The following HTR2C variants were observed in gnomAD, a reference collection of about 807,000 sequenced individuals.
HTR2C encodes 5-hydroxytryptamine (serotonin) receptor 2C, G protein-coupled.
HTR2C carries 5 observed loss-of-function variants against 21.0 expected under a neutral mutation model. That is an observed-to-expected ratio of 0.24 (90% CI 0.12 to 0.50). The LOEUF (loss-of-function observed/expected upper bound fraction) is 0.50, where lower values mean the gene tolerates loss of function less well. HTR2C is among the 20% of genes least tolerant of loss of function. HTR2C has a pLI of 0.98. For synonymous variants in HTR2C, 150 were observed against 145.3 expected (o/e 1.03, Z -0.23); for missense variants, 271 against 371.2 (o/e 0.73, Z 2.22).
intron 5 of HTR2C, among the ~76,000 whole-genome samples, chrX:114,901,680 A>G (rs1049343889): frequency 9.0e-6 from 1 of 111,624 alleles, no homozygotes; most frequent in Admixed American, 9.6e-5. Context: ...ATTTGCAACA[A>G]CTGAATTAGA....
rs141229117 is a variant in HTR2C, at chrX:114,741,170, A to G, written c.349+9563A>G. On this transcript the variant is annotated intron_variant, in intron 4 of 5. Coordinates refer to ENST00000276198, the MANE Select transcript of HTR2C (RefSeq NM_000868.4). The stretch of plus-strand genomic sequence containing the variant: ...TGCGTAGCAATGAGCGAAAACAGAA[A>G]CAGAAACTCCTTGGGGAAATAGTCA... 6.1e-3 allele frequency among the ~76,000 whole-genome samples: 678 copies of G among 110,323 alleles called. 5 individuals are homozygous for G. The highest frequency in any genetic ancestry group is 0.021 in the African/African-American group (642 of 30,362).
At chrX:114,829,077 C>CT (rs1277778064) in intron 4 of HTR2C, among the ~76,000 whole-genome samples, 4 of 111,382 alleles carry the variant, frequency 3.6e-5, no homozygotes, top group African/African-American at 1.3e-4. Flanking sequence ...AATAGAATTG[C>CT]TAGGTCATAT....
Position 114,805,617 on chromosome X carries a change from TATATATACCATATATATACC to T in HTR2C, c.350-42378_350-42359del, listed in dbSNP as rs1358807322. 7.4e-4 allele frequency among the ~76,000 whole-genome samples: 14 copies of T among 18,812 alleles called. 7 individuals are homozygous for T. The East Asian group carries it at 0.082, about 110-fold the overall frequency. The allele number at this position is 18,812 out of a possible 115,157, so 16.3% of individuals were successfully genotyped here. ...ATATATACCATATATATACACATCATATATATACCATATATATACCATATATATACACCATATATATACCA... is the reference window on the plus strand; with the variant it reads ...ATATATACCATATATATACACATCATATATATATACACCATATATATACCA... On this transcript the variant is annotated intron_variant, in intron 4 of 5. Transcript: ENST00000276198.
intron 4 of HTR2C, among the ~76,000 whole-genome samples, chrX:114,817,406 T>C (rs1363601167): frequency 9.0e-6 from 1 of 111,715 alleles, no homozygotes; most frequent in Admixed American, 9.6e-5. Flanking sequence ...TCAGCAAAAA[T>C]GGCTAAGTAC....
At chrX:114,720,645 T>G (rs1933161447) in intron 2 of HTR2C, among the ~76,000 whole-genome samples, 1 of 83,569 alleles carries the variant, frequency 1.2e-5, no homozygotes, top group African/African-American at 4.4e-5. Flanking sequence ...TAGGTATATC[T>G]CCCAATGCTA....
At chrX:114,722,631 G>C (rs1176410843) in intron 2 of HTR2C, among the ~76,000 whole-genome samples, 1 of 106,161 alleles carries the variant, frequency 9.4e-6, no homozygotes, top group Admixed American at 1.0e-4. Flanking sequence ...TGCCCATTCA[G>C]TATGATATTG....
At chrX:114,688,466 C>T (rs1163072856) in intron 2 of HTR2C, among the ~76,000 whole-genome samples, 1 of 111,596 alleles carries the variant, frequency 9.0e-6, no homozygotes, top group Non-Finnish European at 1.9e-5. Flanking sequence ...ACATAAGCAA[C>T]CATGACATAA....
At chrX:114,832,683 C>A (rs1255075832) in intron 4 of HTR2C, among the ~76,000 whole-genome samples, 3 of 34,980 alleles carry the variant, frequency 8.6e-5, no homozygotes, top group African/African-American at 1.7e-4. Flanking sequence ...TAATTGAATA[C>A]CCTTTATTTC....
intron 5 of HTR2C, among the ~76,000 whole-genome samples, chrX:114,884,851 T>G (rs915691716): frequency 1.8e-5 from 2 of 112,080 alleles, no homozygotes; most frequent in Non-Finnish European, 3.8e-5. Context: ...TTTTCTCAGA[T>G]CTCATTCTAT....
intron 1 of HTR2C, among the ~76,000 whole-genome samples, 197 bp from the exon 2 acceptor site, chrX:114,613,618 G>A (rs1482687032): frequency 7.2e-5 from 8 of 111,474 alleles, no homozygotes; most frequent in Non-Finnish European, 1.3e-4. Context: ...TGGTTCAAAC[G>A]CCTCTTACAT....
intron 4 of HTR2C, among the ~76,000 whole-genome samples, chrX:114,751,589 G>A (rs895439567): frequency 1.8e-5 from 2 of 111,463 alleles, no homozygotes; most frequent in African/African-American, 6.5e-5. Flanking sequence ...TTCAAAATTG[G>A]CAGAAATGAA....
rs782082602 is a variant in HTR2C at position 114,719,042 on chromosome X, A to G, written c.-79-7816A>G. Among the ~76,000 whole-genome samples the G allele has an allele frequency of 3.5e-4, 36 of 103,678 alleles. No homozygotes were observed. In the East Asian group the frequency reaches 0.01, roughly 30 times the overall value. 90.0% of individuals were successfully genotyped at this position (103,678 alleles called of 115,157 possible). On this transcript the variant is annotated intron_variant, in intron 2 of 5. Coordinates refer to ENST00000276198, the MANE Select transcript of HTR2C (RefSeq NM_000868.4). Reference sequence around the variant, plus strand: ...TAAATAAATAAAATAATATAATAATATTAATAATATAATTATAATTATAAA... The same window carrying G: ...TAAATAAATAAAATAATATAATAATGTTAATAATATAATTATAATTATAAA...
chrX:114,805,663 T>TC (rs2070402184), intron 4 of HTR2C, among the ~76,000 whole-genome samples: 3 of 23,878 alleles, frequency 1.3e-4, no homozygotes, highest in Non-Finnish European at 2.5e-4. Flanking sequence ...ATATATACCA[T>TC]ATATATACAC....
chrX:114,673,626 A>T (rs1203242592), intron 2 of HTR2C, among the ~76,000 whole-genome samples: 4 of 112,067 alleles, frequency 3.6e-5, no homozygotes, highest in African/African-American at 1.3e-4. Flanking sequence ...AAAATCCTCA[A>T]GACTAAGTAG....
At chrX:114,724,996 A>G (rs191379634) in intron 2 of HTR2C, among the ~76,000 whole-genome samples, 9 of 110,240 alleles carry the variant, frequency 8.2e-5, no homozygotes, top group South Asian at 8.0e-4. Context: ...TGTGTGTCTT[A>G]GAGTTGCTCT....
intron 2 of HTR2C, among the ~76,000 whole-genome samples, chrX:114,619,080 A>G (rs1261289625): frequency 9.0e-6 from 1 of 111,680 alleles, no homozygotes; most frequent in Non-Finnish European, 1.9e-5. Context: ...TTAATTGTGT[A>G]AGAAAATACT....
At chrX:114,706,594 A>C (rs1239792254) in intron 2 of HTR2C, among the ~76,000 whole-genome samples, 2 of 98,693 alleles carry the variant, frequency 2.0e-5, no homozygotes, top group South Asian at 1.1e-3. Flanking sequence ...TAGCATTAGT[A>C]GATATACCTA....
Position 114,806,984 on chromosome X carries a change from T to C in HTR2C, c.350-41019T>C, listed in dbSNP as rs1011750741. ...GTATATACCATATATACCATATATA[T>C]ACCACATATATATACCATATATATC... On this transcript the variant is annotated intron_variant, in intron 4 of 5. Transcript: ENST00000276198. Among the ~76,000 whole-genome samples, 163 of 101,208 alleles carry C rather than the reference T, an allele frequency of 1.6e-3. 1 individual carries two copies. The highest frequency in any genetic ancestry group is 5.7e-3 in the African/African-American group (160 of 27,941). The allele number at this position is 101,208 out of a possible 115,157, so 87.9% of individuals were successfully genotyped here. A position where few individuals can be genotyped will look rare whatever the true frequency, so the allele number is the denominator to read the frequency against.
intron 2 of HTR2C, among the ~76,000 whole-genome samples, chrX:114,707,963 C>T (rs1357157939): frequency 1.8e-5 from 2 of 109,559 alleles, no homozygotes; most frequent in East Asian, 2.9e-4. Flanking sequence ...GTATTATAAC[C>T]GTTTTAACTT....
Sources: allele counts gnomAD v4.1 joint callset (sites outside exome capture counted in the v4.1 genomes callset), GRCh38; gene constraint gnomAD v4.1.1; transcripts MANE v1.5; gene names NCBI Gene and HGNC (gene_info 2026-07-23, HGNC 2026-07-21).